Variants in ABTB3 observed in about 807,000 individuals in gnomAD.
The protein encoded by ABTB3 is ankyrin repeat- and BTB/POZ domain-containing protein 3.
At chr12:107,570,362 C>T in the ABTB3 span, among the ~76,000 whole-genome samples, 4 of 152,086 alleles carry the variant, frequency 2.6e-5, no homozygotes, top group South Asian at 2.1e-4. Context: ...TGCAGGCACA[C>T]GCCACCACAC....
the ABTB3 span, among the ~76,000 whole-genome samples, chr12:107,604,116 C>G: frequency 1.5e-4 from 23 of 152,084 alleles, no homozygotes; most frequent in Admixed American, 9.2e-4. Context: ...TTGCAGTGAG[C>G]CGAGATCACG....
At chr12:107,368,231 C>G in the ABTB3 span, among the ~76,000 whole-genome samples, 1 of 152,198 alleles carries the variant, frequency 6.6e-6, no homozygotes, top group Non-Finnish European at 1.5e-5. Flanking sequence ...CCATTCAACA[C>G]GGCAGAGAGA....
At chr12:107,430,443 C>T in the ABTB3 span, among the ~76,000 whole-genome samples, 2 of 152,202 alleles carry the variant, frequency 1.3e-5, no homozygotes, top group Admixed American at 6.5e-5. Flanking sequence ...AAATTCTGTA[C>T]AATTTATACT....
the ABTB3 span, among the ~76,000 whole-genome samples, chr12:107,539,401 G>A: frequency 0.095 from 14,484 of 152,214 alleles, 759 homozygotes; most frequent in Non-Finnish European, 0.12. Flanking sequence ...ATGCCCGGAG[G>A]CAGGCACCCA....
the ABTB3 span, among the ~76,000 whole-genome samples, chr12:107,506,581 A>G: frequency 1.3e-5 from 2 of 152,220 alleles, no homozygotes; most frequent in East Asian, 3.8e-4. Flanking sequence ...CATGAAATCA[A>G]ATTAAATTAG....
At chr12:107,319,345 G>A in the ABTB3 span, 2 of 1,554,356 alleles carry the variant, frequency 1.3e-6, no homozygotes, top group African/African-American at 1.4e-5. Context: ...TGTCGACGCT[G>A]GTGAGCCGGG....
chr12:107,510,020 T>C, the ABTB3 span, among the ~76,000 whole-genome samples: 4 of 152,130 alleles, frequency 2.6e-5, no homozygotes, highest in African/African-American at 9.7e-5. Context: ...AGGGGGTAGA[T>C]AGTATCAAAC....
At chr12:107,480,176 A>C in the ABTB3 span, among the ~76,000 whole-genome samples, 1 of 152,306 alleles carries the variant, frequency 6.6e-6, no homozygotes. Flanking sequence ...GAGGCTAAAA[A>C]CCCAGAGAAT....
At chr12:107,460,709 G>T in the ABTB3 span, among the ~76,000 whole-genome samples, 1 of 152,138 alleles carries the variant, frequency 6.6e-6, no homozygotes, top group Admixed American at 6.5e-5. Flanking sequence ...GAGGGGCCAC[G>T]GTGTTGCTTC....
chr12:107,520,261 C>T, the ABTB3 span: 6 of 985,310 alleles, frequency 6.1e-6, no homozygotes, highest in Non-Finnish European at 7.2e-6. Context: ...AGACGAATGC[C>T]CACATGCTTG....
the ABTB3 span, among the ~76,000 whole-genome samples, chr12:107,521,395 C>G: frequency 4.6e-5 from 7 of 151,856 alleles, no homozygotes; most frequent in Non-Finnish European, 7.4e-5. Flanking sequence ...GCATGGAAAT[C>G]TTCCCTTCAT....
chr12:107,449,085 T>A, the ABTB3 span, among the ~76,000 whole-genome samples: 8 of 152,176 alleles, frequency 5.3e-5, no homozygotes, highest in South Asian at 2.1e-4. Flanking sequence ...CACTTGTTAA[T>A]CGTGTGGCCT....
chr12:107,495,024 T>C, the ABTB3 span, among the ~76,000 whole-genome samples: 1 of 152,190 alleles, frequency 6.6e-6, no homozygotes, highest in Non-Finnish European at 1.5e-5. Context: ...GAGAAGTGGC[T>C]GTTGCTTCTC....
chr12:107,555,238 C>T, the ABTB3 span, among the ~76,000 whole-genome samples: 478 of 152,304 alleles, frequency 3.1e-3, 1 homozygote, highest in African/African-American at 0.011. Flanking sequence ...GATAGGTGTC[C>T]TCCCTGGGGA....
the ABTB3 span, among the ~76,000 whole-genome samples, chr12:107,335,083 C>T: frequency 3.3e-5 from 5 of 151,532 alleles, no homozygotes; most frequent in African/African-American, 9.7e-5. Flanking sequence ...GCCAGGAGTT[C>T]GAGACAAGCC....
chr12:107,596,945 A>G, the ABTB3 span, among the ~76,000 whole-genome samples: 2 of 152,236 alleles, frequency 1.3e-5, no homozygotes, highest in Non-Finnish European at 2.9e-5. Flanking sequence ...GACTTTATTC[A>G]GGTGTCCAGT....
At chr12:107,375,464 C>A in the ABTB3 span, among the ~76,000 whole-genome samples, 2 of 128,196 alleles carry the variant, frequency 1.6e-5, no homozygotes, top group Non-Finnish European at 3.4e-5. Flanking sequence ...TCATCATCAT[C>A]ATAAATAAAA....
the ABTB3 span, among the ~76,000 whole-genome samples, chr12:107,462,131 C>T: frequency 2.0e-5 from 3 of 152,178 alleles, no homozygotes; most frequent in Non-Finnish European, 4.4e-5. Flanking sequence ...TGGGGTTTTG[C>T]ACATCCTGGA....
the ABTB3 span, among the ~76,000 whole-genome samples, chr12:107,488,902 C>T: frequency 4.3e-3 from 646 of 151,990 alleles, 4 homozygotes; most frequent in Non-Finnish European, 6.3e-3. Flanking sequence ...GATGAATTTA[C>T]AGGAATTGAA....
Sources: allele counts gnomAD v4.1 joint callset (sites outside exome capture counted in the v4.1 genomes callset), GRCh38; gene constraint gnomAD v4.1.1; transcripts MANE v1.5; gene names NCBI Gene and HGNC (gene_info 2026-07-23, HGNC 2026-07-21).